Variants in MBOAT2 observed in about 807,000 individuals in gnomAD.
MBOAT2 encodes the protein membrane-bound glycerophospholipid O-acyltransferase 2.
Under a neutral mutation model 63.4 loss-of-function variants are expected in MBOAT2, and 28 were observed. That is an observed-to-expected ratio of 0.44 (90% CI 0.33 to 0.61). The LOEUF (loss-of-function observed/expected upper bound fraction) is 0.61. Ranked by LOEUF, MBOAT2 falls within the 20% of genes least tolerant of loss-of-function variation. MBOAT2 has a pLI of 0.03. For missense variants in MBOAT2, 470 were observed against 605.8 expected (o/e 0.78, Z 2.35); for synonymous variants, 211 against 215.6 (o/e 0.98, Z 0.19).
chr2:8,986,207 CAAAA>C (rs749608343), intron 1 of MBOAT2, among the ~76,000 whole-genome samples: 2 of 74,386 alleles, frequency 2.7e-5, no homozygotes, highest in Non-Finnish European at 5.5e-5. Context: ...ACAAGGTCAC[CAAAA>C]AAAAAAAAAA....
intron 4 of MBOAT2, among the ~76,000 whole-genome samples, chr2:8,895,141 C>T (rs185418691): frequency 6.6e-5 from 10 of 152,320 alleles, no homozygotes; most frequent in Middle Eastern, 3.4e-3. Context: ...AGCGTGGAAA[C>T]GGACCCTAGC....
At chr2:8,896,373 T>C (rs1010031935) in intron 4 of MBOAT2, among the ~76,000 whole-genome samples, 5 of 151,504 alleles carry the variant, frequency 3.3e-5, no homozygotes, top group Admixed American at 2.0e-4. Context: ...CCTAAGAAGG[T>C]GCACAGTCCT....
intron 8 of MBOAT2, among the ~76,000 whole-genome samples, chr2:8,870,026 C>G (rs1178600584): frequency 2.6e-5 from 4 of 152,202 alleles, no homozygotes; most frequent in South Asian, 2.1e-4. Context: ...CCCTGCCCCC[C>G]AGTCTCCCAC....
chr2:8,975,822 C>T (rs1054267961), intron 1 of MBOAT2, among the ~76,000 whole-genome samples: 7 of 151,218 alleles, frequency 4.6e-5, no homozygotes, highest in African/African-American at 1.7e-4. Context: ...AAACGATGGC[C>T]ACTAAGTCTT....
At chr2:8,961,668 G>A (rs756452293) in intron 1 of MBOAT2, among the ~76,000 whole-genome samples, 1 of 152,018 alleles carries the variant, frequency 6.6e-6, no homozygotes. Flanking sequence ...TGGGGTAACT[G>A]GTTTTCCTTT....
intron 4 of MBOAT2, among the ~76,000 whole-genome samples, chr2:8,896,468 G>C (rs1403743360): frequency 6.6e-6 from 1 of 152,098 alleles, no homozygotes; most frequent in East Asian, 1.9e-4. Flanking sequence ...GTAGAGTAAG[G>C]ATAGATTTCG....
intron 1 of MBOAT2, among the ~76,000 whole-genome samples, chr2:8,959,346 G>A (rs915988488): frequency 3.3e-5 from 5 of 152,116 alleles, no homozygotes; most frequent in Non-Finnish European, 5.9e-5. Context: ...TTATAGAAGT[G>A]AAATACACTC....
chr2:8,912,218 A>G (rs996316578), intron 3 of MBOAT2, among the ~76,000 whole-genome samples: 4 of 151,598 alleles, frequency 2.6e-5, no homozygotes, highest in African/African-American at 7.3e-5. Flanking sequence ...CCTCTTCAAC[A>G]TAGTACTGGA....
chr2:8,994,718 G>A (rs905297260), intron 1 of MBOAT2, among the ~76,000 whole-genome samples: 13 of 152,156 alleles, frequency 8.5e-5, no homozygotes, highest in African/African-American at 2.9e-4. Flanking sequence ...TAGCATGCAC[G>A]AACATATCAT....
chr2:8,877,198 T>C lies in MBOAT2; in HGVS notation c.522A>G (p.Leu174=), dbSNP rs1418415515. The part of the protein sequence containing the change: ...RDLAVRRMPS[L]LEYLSYNCNF... ...TACAGTTGTAACTCAAATACTCCAGTAAGCTTGGCATGCGCCTGCAATGAA... is the reference window on the plus strand; with the variant it reads ...TACAGTTGTAACTCAAATACTCCAGCAAGCTTGGCATGCGCCTGCAATGAA... Residue 174 remains leucine (L), a synonymous_variant, in exon 7 of 13, where the codon TTA becomes TTG. Coordinates refer to ENST00000305997, the MANE Select transcript of MBOAT2 (RefSeq NM_138799.4). The C allele has an allele frequency of 6.2e-7, 1 of 1,611,814 alleles. No individual in the cohort carries two copies. Among genetic ancestry groups the C allele is most frequent in the South Asian group, 1.1e-5 (1 of 90,476 alleles).
chr2:8,986,795 G>T (rs996491482), intron 1 of MBOAT2, among the ~76,000 whole-genome samples: 1 of 152,072 alleles, frequency 6.6e-6, no homozygotes, highest in African/African-American at 2.4e-5. Flanking sequence ...GACACAGAGG[G>T]CTTGCTCTCT....
At chr2:8,887,238 A>G (rs1572966557) in intron 5 of MBOAT2, among the ~76,000 whole-genome samples, 1 of 152,302 alleles carries the variant, frequency 6.6e-6, no homozygotes, top group East Asian at 1.9e-4. Flanking sequence ...CAAGTAGCAG[A>G]GAGTTTTTAA....
At chr2:8,926,907 G>A (rs551111942) in intron 3 of MBOAT2, among the ~76,000 whole-genome samples, 75 of 152,302 alleles carry the variant, frequency 4.9e-4, no homozygotes, top group African/African-American at 1.8e-3. Context: ...CCCACTTAGT[G>A]CTTACTACAT....
intron 3 of MBOAT2, among the ~76,000 whole-genome samples, chr2:8,919,566 G>C (rs1020768047): frequency 6.6e-6 from 1 of 152,066 alleles, no homozygotes; most frequent in African/African-American, 2.4e-5. Flanking sequence ...TCTTTAAATT[G>C]GGTTGTCTTC....
intron 3 of MBOAT2, among the ~76,000 whole-genome samples, chr2:8,938,517 TGCCACGTTTCATGCC>T (rs1382797982): frequency 2.7e-4 from 41 of 151,206 alleles, no homozygotes; most frequent in East Asian, 2.0e-3. Context: ...CATTTTATGC[TGCCACGTTTCATGCC>T]GCCACGTTTC....
In MBOAT2 at chr2:8,853,477, A is replaced by G. The variant is rs1660893293; in HGVS notation, c.*5202T>C. On this transcript the variant is annotated 3_prime_UTR_variant, in exon 13 of 13. Coordinates refer to ENST00000305997, the MANE Select transcript of MBOAT2 (RefSeq NM_138799.4). ...GGGGAATATTCAAATTGATTTCCCAAGAAAATTAACCTAAAATAGTGAACG... is the reference window on the plus strand; with the variant it reads ...GGGGAATATTCAAATTGATTTCCCAGGAAAATTAACCTAAAATAGTGAACG... The G allele has an allele frequency of 6.6e-6, 1 of 152,252 alleles. No homozygotes were observed. Among genetic ancestry groups the G allele is most frequent in the Admixed American group, 6.5e-5 (1 of 15,286 alleles). The allele number at this position is 152,252 out of a possible 1,614,324, so 9.4% of individuals were successfully genotyped here. A position where few individuals can be genotyped will look rare whatever the true frequency, so the allele number is the denominator to read the frequency against.
chr2:9,000,952 G>A (rs540339298), intron 1 of MBOAT2, among the ~76,000 whole-genome samples: 2 of 151,436 alleles, frequency 1.3e-5, no homozygotes, highest in African/African-American at 2.4e-5. Flanking sequence ...TTATTCTATC[G>A]GCTTTTTTCT....
At chr2:8,943,150 A>G in intron 3 of MBOAT2, 37 bp downstream of exon 3, 1 of 1,240,266 alleles carries the variant, frequency 8.1e-7, no homozygotes, top group South Asian at 1.6e-5. Flanking sequence ...TATTCAAGTG[A>G]AATATATATT....
intron 1 of MBOAT2, among the ~76,000 whole-genome samples, chr2:8,965,237 T>C (rs1669902162): frequency 6.6e-6 from 1 of 152,212 alleles, no homozygotes; most frequent in African/African-American, 2.4e-5. Context: ...ACTTACGGCA[T>C]TAAAACATTT....
Sources: gnomAD v4.1 joint callset for allele counts (sites outside exome capture counted in the v4.1 genomes callset) on GRCh38, gnomAD v4.1.1 for gene constraint, MANE v1.5 for transcripts, NCBI Gene and HGNC (gene_info 2026-07-23, HGNC 2026-07-21) for gene names.